PCDH11X: variants seen among roughly 807,000 people sequenced by gnomAD.
The protein encoded by PCDH11X is protocadherin-11 X-linked.
PCDH11X carries 18 observed loss-of-function variants against 53.3 expected under a neutral mutation model. The ratio of observed to expected loss-of-function variants is 0.34; its 90% CI spans 0.23 to 0.50. PCDH11X has a LOEUF of 0.50. Among genes scored for constraint, PCDH11X ranks in the 20% least tolerant of loss-of-function variants. The pLI, the probability that PCDH11X is intolerant of heterozygous loss-of-function variation, is 0.98. For synonymous variants in PCDH11X, 279 were observed against 393.3 expected (o/e 0.71, Z 3.44); for missense variants, 570 against 1,032.4 (o/e 0.55, Z 6.14).
chrX:92,358,890 C>G (rs2070279966), intron 8 of PCDH11X, among the ~76,000 whole-genome samples: 1 of 109,435 alleles, frequency 9.1e-6, no homozygotes, highest in Non-Finnish European at 1.9e-5. Context: ...GCTATATAAT[C>G]TCAATAAGGC....
chrX:92,313,498 C>A (rs2069000707), intron 8 of PCDH11X, among the ~76,000 whole-genome samples: 1 of 110,678 alleles, frequency 9.0e-6, no homozygotes, highest in African/African-American at 3.3e-5. Context: ...GTAATTTTTT[C>A]TTGAACAAAT....
At chrX:92,530,716 T>A (rs929567025) in intron 10 of PCDH11X, among the ~76,000 whole-genome samples, 1 of 112,430 alleles carries the variant, frequency 8.9e-6, no homozygotes, top group African/African-American at 3.2e-5. Context: ...GCTTAAGTTT[T>A]TTTTCATCTC....
At chrX:92,538,841 T>G (rs769427749) in intron 10 of PCDH11X, among the ~76,000 whole-genome samples, 1 of 104,209 alleles carries the variant, frequency 9.6e-6, no homozygotes, top group African/African-American at 3.5e-5. Flanking sequence ...ATTCTGTGGT[T>G]TTCCATGTCC....
intron 4 of PCDH11X, among the ~76,000 whole-genome samples, chrX:91,830,044 G>C (rs1937056846): frequency 1.8e-5 from 2 of 111,098 alleles, no homozygotes; most frequent in South Asian, 7.4e-4. Context: ...TGAAGAATGA[G>C]TCTCTTGCTT....
intron 9 of PCDH11X, among the ~76,000 whole-genome samples, chrX:92,427,821 A>C (rs2148621850): frequency 1.8e-5 from 1 of 56,330 alleles, no homozygotes; most frequent in South Asian, 1.4e-3. Flanking sequence ...TGAAATCACC[A>C]ATAAATGAAG....
At chrX:92,480,608 T>C (rs1246599475) in intron 10 of PCDH11X, among the ~76,000 whole-genome samples, 1 of 110,404 alleles carries the variant, frequency 9.1e-6, no homozygotes, top group Non-Finnish European at 1.9e-5. Flanking sequence ...CTGGAAGAAT[T>C]TGGGGGGCCA....
At chrX:92,147,330 C>T (rs2065283789) in intron 6 of PCDH11X, among the ~76,000 whole-genome samples, 1 of 108,238 alleles carries the variant, frequency 9.2e-6, no homozygotes, top group African/African-American at 3.4e-5. Context: ...TCGGTATATG[C>T]CCATTGTGTG....
At chrX:92,257,885 G>A (rs1439296115) in intron 7 of PCDH11X, among the ~76,000 whole-genome samples, 1 of 111,865 alleles carries the variant, frequency 8.9e-6, no homozygotes, top group Admixed American at 9.4e-5. Context: ...TGTGGAGTGT[G>A]GAGGATCATG....
Position 92,256,908 on chromosome X carries a change from G to A in PCDH11X, c.3115-6206G>A, listed in dbSNP as rs189726531. Reference sequence around the variant, plus strand: ...ACATGATCTCAGTCCTTTTTTTTCCGTTTCCCTCTGCTTTTTTCAAGCAAA... The same window carrying A: ...ACATGATCTCAGTCCTTTTTTTTCCATTTCCCTCTGCTTTTTTCAAGCAAA... On this transcript the variant is annotated intron_variant, in intron 7 of 10. Coordinates refer to ENST00000682573, the MANE Select transcript of PCDH11X (RefSeq NM_032968.5). 4.3e-4 allele frequency among the ~76,000 whole-genome samples: 47 copies of A among 110,566 alleles called. 1 individual carries two copies. In the East Asian group the frequency reaches 9.2e-3, roughly 22 times the overall value.
chrX:91,829,739 T>TA (rs1207977057), intron 4 of PCDH11X, among the ~76,000 whole-genome samples: 2 of 111,383 alleles, frequency 1.8e-5, no homozygotes, highest in African/African-American at 6.5e-5. Context: ...GCCTATTTGA[T>TA]AAAAAATATT....
chrX:92,395,393 C>A (rs1302037360), intron 9 of PCDH11X, among the ~76,000 whole-genome samples: 5 of 110,801 alleles, frequency 4.5e-5, no homozygotes, highest in East Asian at 2.8e-4. Context: ...ATTCATGAAA[C>A]CTTTTCAGCA....
At chrX:92,145,335 T>A (rs1433537164) in intron 6 of PCDH11X, among the ~76,000 whole-genome samples, 1 of 111,028 alleles carries the variant, frequency 9.0e-6, no homozygotes, top group African/African-American at 3.3e-5. Context: ...TATTTTCTTT[T>A]TTATGATTTA....
chrX:92,532,537 A>G (rs950845658), intron 10 of PCDH11X, among the ~76,000 whole-genome samples: 5 of 109,738 alleles, frequency 4.6e-5, no homozygotes, highest in Non-Finnish European at 7.6e-5. Flanking sequence ...TAAAAAAACA[A>G]CATGAAAAGT....
chrX:92,029,618 C>T (rs2063016479), intron 6 of PCDH11X, among the ~76,000 whole-genome samples: 1 of 110,659 alleles, frequency 9.0e-6, no homozygotes, highest in Admixed American at 9.7e-5. Context: ...AATCCTAGTA[C>T]AGGTGAGTTG....
chrX:92,335,657 A>C (rs966027787), intron 8 of PCDH11X, among the ~76,000 whole-genome samples: 9 of 111,471 alleles, frequency 8.1e-5, no homozygotes, highest in African/African-American at 2.6e-4. Context: ...TTTTCCAAAC[A>C]GTGTGAAAAT....
intron 8 of PCDH11X, among the ~76,000 whole-genome samples, chrX:92,317,109 G>A (rs951596254): frequency 6.3e-5 from 7 of 111,222 alleles, no homozygotes; most frequent in African/African-American, 2.3e-4. Flanking sequence ...ATATGATGCG[G>A]ACAAGAGTGA....
At chrX:92,038,178 G>A (rs2063156609) in intron 6 of PCDH11X, among the ~76,000 whole-genome samples, 1 of 111,574 alleles carries the variant, frequency 9.0e-6, no homozygotes, top group Admixed American at 9.5e-5. Context: ...GCGGGCTACA[G>A]AAATTTGCAC....
intron 8 of PCDH11X, among the ~76,000 whole-genome samples, chrX:92,301,734 C>CTTTTTTTTTTTTTTTTTTTTTTTTTT (rs1569459116): frequency 1.8e-5 from 2 of 109,759 alleles, no homozygotes; most frequent in African/African-American, 6.8e-5. Flanking sequence ...GCTTCCTTTT[C>CTTTTTTTTTTTTTTTTTTTTTTTTTT]TTGTGTTGTC....
intron 8 of PCDH11X, among the ~76,000 whole-genome samples, chrX:92,274,990 A>G (rs775204982): frequency 1.8e-4 from 20 of 109,630 alleles, no homozygotes; most frequent in Non-Finnish European, 3.4e-4. Flanking sequence ...TAATTGTGGG[A>G]CTTAAAGAGT....
Sources: gnomAD v4.1 joint callset for allele counts (sites outside exome capture counted in the v4.1 genomes callset) on GRCh38, gnomAD v4.1.1 for gene constraint, MANE v1.5 for transcripts, NCBI Gene and HGNC (gene_info 2026-07-23, HGNC 2026-07-21) for gene names.